Variants in ERBB4 observed in about 807,000 individuals in gnomAD.
ERBB4 encodes erb-b2 receptor tyrosine kinase 4.
In ERBB4, 42 loss-of-function variants were observed where a neutral mutation model predicts 158.0. That is an observed-to-expected ratio of 0.27 (90% CI 0.21 to 0.34). The LOEUF (loss-of-function observed/expected upper bound fraction) is 0.34. Among genes scored for constraint, ERBB4 ranks in the 10% least tolerant of loss-of-function variants. The pLI is 1.00. For synonymous variants in ERBB4, 583 were observed against 558.7 expected, an observed-to-expected ratio of 1.04 and a Z score of -0.61; for missense variants, 1,333 against 1,624.1, an observed-to-expected ratio of 0.82 and a Z score of 3.08.
At chr2:212,234,064 C>T (rs1156320190) in intron 1 of ERBB4, among the ~76,000 whole-genome samples, 1 of 151,560 alleles carries the variant, frequency 6.6e-6, no homozygotes, top group African/African-American at 2.4e-5. Flanking sequence ...TATACACATG[C>T]CATGGTTTGC....
At chr2:212,225,161 A>G (rs1355066255) in intron 1 of ERBB4, among the ~76,000 whole-genome samples, 1 of 152,014 alleles carries the variant, frequency 6.6e-6, no homozygotes, top group Non-Finnish European at 1.5e-5. Context: ...TAAAACTTTC[A>G]TCCTAAAATA....
chr2:211,914,350 G>A (rs1207173394), intron 3 of ERBB4, among the ~76,000 whole-genome samples: 2 of 151,554 alleles, frequency 1.3e-5, no homozygotes, highest in South Asian at 4.2e-4. Flanking sequence ...CCTAGAATCA[G>A]AGCTACAACT....
intron 2 of ERBB4, among the ~76,000 whole-genome samples, chr2:212,091,578 G>A (rs1247097154): frequency 6.6e-6 from 1 of 152,074 alleles, no homozygotes; most frequent in Non-Finnish European, 1.5e-5. Context: ...TACTGTCTCA[G>A]GTTGAGAACT....
At chr2:212,045,151 T>C (rs73069212) in intron 2 of ERBB4, among the ~76,000 whole-genome samples, 1 of 152,298 alleles carries the variant, frequency 6.6e-6, no homozygotes, top group African/African-American at 2.4e-5. Context: ...GTATGGCAAT[T>C]AAATATACTA....
chr2:211,509,381 C>T (rs2065833678), intron 20 of ERBB4, among the ~76,000 whole-genome samples: 1 of 152,016 alleles, frequency 6.6e-6, no homozygotes, highest in South Asian at 2.1e-4. Context: ...ACTGGGATAA[C>T]TGGCTAGCCA....
chr2:212,266,887 T>A (rs769390598), intron 1 of ERBB4, among the ~76,000 whole-genome samples: 8 of 152,024 alleles, frequency 5.3e-5, no homozygotes, highest in Non-Finnish European at 1.2e-4. Context: ...CCACATAGTA[T>A]CAGACATTAC....
intron 1 of ERBB4, among the ~76,000 whole-genome samples, chr2:212,248,141 A>C (rs1464463350): frequency 6.6e-6 from 1 of 152,112 alleles, no homozygotes; most frequent in Non-Finnish European, 1.5e-5. Flanking sequence ...AATAAAATTA[A>C]TAATTAAAAT....
chr2:211,877,675 A>G (rs763351816), intron 3 of ERBB4, among the ~76,000 whole-genome samples: 1 of 152,222 alleles, frequency 6.6e-6, no homozygotes, highest in Non-Finnish European at 1.5e-5. Context: ...GCATTTTTAA[A>G]TGAAAACAAT....
chr2:212,223,252 T>C (rs2083360322), intron 1 of ERBB4, among the ~76,000 whole-genome samples: 1 of 150,720 alleles, frequency 6.6e-6, no homozygotes, highest in East Asian at 1.9e-4. Flanking sequence ...AAATTTGGCT[T>C]GTTTCTTAAA....
intron 2 of ERBB4, among the ~76,000 whole-genome samples, chr2:212,120,610 C>T (rs1367276137): frequency 6.6e-6 from 1 of 152,086 alleles, no homozygotes; most frequent in African/African-American, 2.4e-5. Context: ...CAAAATAAAA[C>T]AAATGCCAAA....
intron 20 of ERBB4, among the ~76,000 whole-genome samples, chr2:211,506,715 A>G (rs530546706): frequency 1.8e-5 from 2 of 113,590 alleles, no homozygotes; most frequent in African/African-American, 5.3e-5. Flanking sequence ...ATGAAAACAG[A>G]GACACAACAT....
intron 20 of ERBB4, among the ~76,000 whole-genome samples, chr2:211,524,651 A>AG (rs756909012): frequency 5.1e-3 from 1 of 198 alleles, no homozygotes; most frequent in Admixed American, 0.062. Context: ...CGGGGCCGGC[A>AG]GGGCCGCCGG....
intron 1 of ERBB4, among the ~76,000 whole-genome samples, chr2:212,164,632 C>T (rs540606506): frequency 1.6e-4 from 24 of 152,078 alleles, no homozygotes; most frequent in Middle Eastern, 6.8e-3. Context: ...TGCTGTTAAG[C>T]GTCTATCTAT....
intron 2 of ERBB4, among the ~76,000 whole-genome samples, chr2:212,061,478 A>AT (rs1340868029): frequency 6.7e-6 from 1 of 149,988 alleles, no homozygotes; most frequent in African/African-American, 2.4e-5. Context: ...AAAAAAAAAA[A>AT]AAAAAGCTTC....
intron 1 of ERBB4, among the ~76,000 whole-genome samples, chr2:212,407,256 A>T (rs1473704987): frequency 6.6e-6 from 1 of 151,908 alleles, no homozygotes; most frequent in African/African-American, 2.4e-5. Context: ...TCATGCTTTA[A>T]TAAGCAATAC....
chr2:211,962,626 G>T (rs190477683), intron 2 of ERBB4, among the ~76,000 whole-genome samples: 47 of 152,244 alleles, frequency 3.1e-4, no homozygotes, highest in African/African-American at 1.1e-3. Context: ...GGAGTAGGTT[G>T]GTGAGAAGCT....
intron 16 of ERBB4, among the ~76,000 whole-genome samples, chr2:211,636,016 A>C (rs1182456917): frequency 6.6e-6 from 1 of 152,048 alleles, no homozygotes; most frequent in Non-Finnish European, 1.5e-5. Context: ...AATAATTTGA[A>C]GAAAGGTCTT....
chr2:212,099,179 ATAAATAAT>A, intron 2 of ERBB4, among the ~76,000 whole-genome samples: 1 of 147,196 alleles, frequency 6.8e-6, no homozygotes, highest in Non-Finnish European at 1.5e-5. Context: ...AAATAAATAA[ATAAATAAT>A]AAATAATAAA....
At chr2:212,306,729 A>G (rs76915686) in intron 1 of ERBB4, among the ~76,000 whole-genome samples, 3,200 of 150,152 alleles carry the variant, frequency 0.021, 125 homozygotes, top group African/African-American at 0.073. Flanking sequence ...TTTTTTTACT[A>G]GTGTTCTAAT....
Sources: allele counts gnomAD v4.1 joint callset (sites outside exome capture counted in the v4.1 genomes callset), GRCh38; gene constraint gnomAD v4.1.1; transcripts MANE v1.5; gene names NCBI Gene and HGNC (gene_info 2026-07-23, HGNC 2026-07-21).